Variants in SHQ1 observed in about 807,000 individuals in gnomAD.
The protein encoded by SHQ1 is protein SHQ1 homolog.
SHQ1 carries 49 observed loss-of-function variants against 53.8 expected under a neutral mutation model. The observed-to-expected ratio is 0.91, with a 90% CI of 0.72 to 1.16. The LOEUF (loss-of-function observed/expected upper bound fraction) is 1.16. SHQ1 is among the 50% of genes most tolerant of loss of function. The pLI is 0.00. For missense variants in SHQ1, 738 were observed against 683.1 expected (o/e 1.08, Z -0.90); for synonymous variants, 243 against 251.0 (o/e 0.97, Z 0.30).
intron 4 of SHQ1, among the ~76,000 whole-genome samples, 193 bp downstream of exon 4, chr3:72,840,852 G>GT (rs1431177423): frequency 6.6e-6 from 1 of 152,184 alleles, no homozygotes; most frequent in Non-Finnish European, 1.5e-5. Flanking sequence ...TGTAAGAGCA[G>GT]TACAGTTAGG....
intron 10 of SHQ1, among the ~76,000 whole-genome samples, chr3:72,759,546 C>G (rs1483535106): frequency 3.3e-5 from 5 of 151,962 alleles, no homozygotes; most frequent in Non-Finnish European, 5.9e-5. Context: ...TAAAAATTAG[C>G]CGGGTGTGGT....
Position 72,802,161 on chromosome 3 carries a change from T to C in SHQ1, c.1061-9125A>G, listed in dbSNP as rs192298595. Among the ~76,000 whole-genome samples, 38 of 152,366 alleles carry C rather than the reference T, an allele frequency of 2.5e-4. 1 individual carries two copies. The East Asian group carries it at 5.4e-3, about 22-fold the overall frequency. On this transcript the variant is annotated intron_variant, in intron 9 of 10. Coordinates refer to ENST00000325599, the MANE Select transcript of SHQ1 (RefSeq NM_018130.3). ...AAGGGAAGGAGGACAACGGGTAGTA[T>C]GGATCAGCCCTGGCACTCCCATTAC... is the stretch of plus-strand genomic sequence containing the variant.
Position 72,806,664 on chromosome 3 carries a change from A to T in SHQ1, c.1060+6007T>A, listed in dbSNP as rs558927711. 2.4e-4 allele frequency among the ~76,000 whole-genome samples: 37 copies of T among 152,322 alleles called. 1 individual carries two copies. In the South Asian group the frequency reaches 7.7e-3, roughly 32 times the overall value. On this transcript the variant is annotated intron_variant, in intron 9 of 10. Coordinates refer to ENST00000325599, the MANE Select transcript of SHQ1 (RefSeq NM_018130.3). ...ATAGCATATCGATTTTCCATCATCT[A>T]ATTCCAACAAACACATTTTCATAGC...
At chr3:72,733,840 T>C in the SHQ1 span, among the ~76,000 whole-genome samples, 22 of 151,528 alleles carry the variant, frequency 1.5e-4, no homozygotes, top group Non-Finnish European at 2.4e-4. Context: ...CTTAATGACG[T>C]GGTGCACTTA....
intron 10 of SHQ1, among the ~76,000 whole-genome samples, chr3:72,759,739 C>A (rs1208149113): frequency 6.6e-6 from 1 of 152,106 alleles, no homozygotes; most frequent in Non-Finnish European, 1.5e-5. Context: ...AACAAAACTA[C>A]AAACTACAAA....
chr3:72,841,267 T>A (rs994579779), intron 3 of SHQ1, 68 bp from the exon 4 acceptor site: 4 of 1,245,390 alleles, frequency 3.2e-6, no homozygotes, highest in Middle Eastern at 2.5e-4. Context: ...AGAAAAAGTA[T>A]AGGAAAAAAT....
chr3:72,810,633 T>C (rs1046494590), intron 9 of SHQ1, among the ~76,000 whole-genome samples: 2 of 152,208 alleles, frequency 1.3e-5, no homozygotes, highest in African/African-American at 2.4e-5. Context: ...AATTCATTCT[T>C]GGAAAACACT....
At chr3:72,804,805 T>A (rs1266611885) in intron 9 of SHQ1, among the ~76,000 whole-genome samples, 1 of 152,164 alleles carries the variant, frequency 6.6e-6, no homozygotes, top group Admixed American at 6.5e-5. Flanking sequence ...CAATGAGCCA[T>A]GATTATGCCA....
chr3:72,757,245 A>C (rs1705515149), intron 10 of SHQ1, among the ~76,000 whole-genome samples: 1 of 152,120 alleles, frequency 6.6e-6, no homozygotes, highest in Non-Finnish European at 1.5e-5. Flanking sequence ...AGAGGACAAG[A>C]CTCCAGTGAG....
rs930489706 is a variant in SHQ1 at position 72,799,908 on chromosome 3, C to T, written c.1061-6872G>A. On this transcript the variant is annotated intron_variant, in intron 9 of 10. Transcript: ENST00000325599. The stretch of plus-strand genomic sequence containing the variant: ...AGTCTCAAATCAGGCATTACTTTTT[C>T]TGGAAACAGGGTTCTAACTCTTCCC... 2.6e-5 allele frequency among the ~76,000 whole-genome samples: 4 copies of T among 152,106 alleles called. No homozygotes were observed. In the East Asian group the frequency reaches 7.7e-4, roughly 29 times the overall value.
intron 3 of SHQ1, 49 bp from the exon 4 acceptor site, chr3:72,841,248 A>C: frequency 6.9e-7 from 1 of 1,456,356 alleles, no homozygotes; most frequent in Non-Finnish European, 9.3e-7. Flanking sequence ...TTTAAGTACA[A>C]CTAGGGGAAG....
chr3:72,803,171 T>C (rs966423507), intron 9 of SHQ1, among the ~76,000 whole-genome samples: 3 of 152,248 alleles, frequency 2.0e-5, no homozygotes, highest in Admixed American at 1.3e-4. Context: ...AGACATGCTA[T>C]GGCTCTTACA....
At chr3:72,746,171 G>A (rs573729733), downstream of SHQ1, among the ~76,000 whole-genome samples, 510 of 152,234 alleles carry the variant, frequency 3.4e-3, 3 homozygotes, top group African/African-American at 0.011. Flanking sequence ...GAAAGGTGTC[G>A]TTTGGAGTCC....
chr3:72,835,091 T>G (rs1311173795), intron 4 of SHQ1, among the ~76,000 whole-genome samples: 5 of 151,318 alleles, frequency 3.3e-5, no homozygotes, highest in Admixed American at 6.6e-5. Flanking sequence ...CATAATACCA[T>G]TCCTCCATCA....
At chr3:72,736,787 C>T in the SHQ1 span, among the ~76,000 whole-genome samples, 2 of 36,998 alleles carry the variant, frequency 5.4e-5, no homozygotes, top group South Asian at 1.3e-3. Context: ...AGTGAGACTC[C>T]GTTTCAAAAA....
At chr3:72,827,334 T>G (rs1707691327) in intron 5 of SHQ1, among the ~76,000 whole-genome samples, 1 of 151,960 alleles carries the variant, frequency 6.6e-6, no homozygotes, top group South Asian at 2.1e-4. Context: ...TCATAAGCAT[T>G]TAAACCAAGA....
chr3:72,810,843 A>G (rs1411816586), intron 9 of SHQ1, among the ~76,000 whole-genome samples: 2 of 152,186 alleles, frequency 1.3e-5, no homozygotes, highest in Non-Finnish European at 2.9e-5. Context: ...AACTAGCCAC[A>G]ACCCAAATTA....
intron 4 of SHQ1, among the ~76,000 whole-genome samples, chr3:72,835,485 T>G (rs1707965961): frequency 6.6e-6 from 1 of 152,230 alleles, no homozygotes. Flanking sequence ...TTACATGTTC[T>G]GCTTCATTAT....
intron 6 of SHQ1, among the ~76,000 whole-genome samples, chr3:72,822,940 G>A (rs1414718251): frequency 6.6e-6 from 1 of 152,134 alleles, no homozygotes; most frequent in Non-Finnish European, 1.5e-5. Flanking sequence ...ACAAGGTCAG[G>A]AGATCGAGAC....
Sources: gnomAD v4.1 joint callset for allele counts (sites outside exome capture counted in the v4.1 genomes callset) on GRCh38, gnomAD v4.1.1 for gene constraint, MANE v1.5 for transcripts, NCBI Gene and HGNC (gene_info 2026-07-23, HGNC 2026-07-21) for gene names.